The following SPOCK1 variants were observed in gnomAD, a reference collection of about 807,000 sequenced individuals.
The protein encoded by SPOCK1 is SPARC (osteonectin), cwcv and kazal like domains proteoglycan 1, also known as testican-1.
SPOCK1 carries 23 observed loss-of-function variants against 55.3 expected under a neutral mutation model. That is an observed-to-expected ratio of 0.42 (90% CI 0.30 to 0.59). The LOEUF (loss-of-function observed/expected upper bound fraction) is 0.59, where lower values mean the gene tolerates loss of function less well. Ranked by LOEUF, SPOCK1 falls within the 20% of genes least tolerant of loss-of-function variation. The pLI, the probability that SPOCK1 is intolerant of heterozygous loss-of-function variation, is 0.22. For synonymous variants in SPOCK1, 226 were observed against 221.0 expected (o/e 1.02, Z -0.20); for missense variants, 499 against 552.5 (o/e 0.90, Z 0.97).
At chr5:137,391,321 T>C (rs556205824) in intron 2 of SPOCK1, among the ~76,000 whole-genome samples, 1 of 152,252 alleles carries the variant, frequency 6.6e-6, no homozygotes, top group African/African-American at 2.4e-5. Flanking sequence ...TTGGGTTGGT[T>C]CCAAGTTTTG....
chr5:137,341,941 GT>G (rs1750439351), intron 2 of SPOCK1, among the ~76,000 whole-genome samples: 1 of 152,200 alleles, frequency 6.6e-6, no homozygotes, highest in South Asian at 2.1e-4. Flanking sequence ...CTGGCAAACT[GT>G]TTTCTCTACT....
intron 3 of SPOCK1, among the ~76,000 whole-genome samples, chr5:137,260,112 A>G (rs933845355): frequency 1.3e-5 from 2 of 152,190 alleles, no homozygotes; most frequent in Non-Finnish European, 2.9e-5. Context: ...TATTTCAGAG[A>G]TGGGTGAACT....
intron 3 of SPOCK1, among the ~76,000 whole-genome samples, chr5:137,225,182 C>A (rs1313440109): frequency 6.6e-6 from 1 of 151,916 alleles, no homozygotes; most frequent in African/African-American, 2.4e-5. Flanking sequence ...CAGAGAATGA[C>A]AAGAATTAGA....
At chr5:137,062,547 A>AATAATG (rs1554095453) in intron 6 of SPOCK1, among the ~76,000 whole-genome samples, 1 of 148,760 alleles carries the variant, frequency 6.7e-6, no homozygotes, top group Non-Finnish European at 1.5e-5. Flanking sequence ...TAATAATAAT[A>AATAATG]ATAATAATAA....
intron 3 of SPOCK1, among the ~76,000 whole-genome samples, chr5:137,154,194 G>A (rs1754370097): frequency 2.0e-5 from 3 of 152,140 alleles, no homozygotes; most frequent in Admixed American, 6.5e-5. Context: ...GACTGAGGCA[G>A]GAGAATCACT....
intron 5 of SPOCK1, among the ~76,000 whole-genome samples, chr5:137,069,247 A>G (rs1008131250): frequency 2.0e-5 from 3 of 152,222 alleles, no homozygotes; most frequent in Admixed American, 6.5e-5. Flanking sequence ...TGTCACTCCA[A>G]TGATCACCCA....
intron 3 of SPOCK1, among the ~76,000 whole-genome samples, chr5:137,241,565 GA>G (rs1756282151): frequency 6.6e-6 from 1 of 152,148 alleles, no homozygotes; most frequent in African/African-American, 2.4e-5. Flanking sequence ...GAGCCCAGTG[GA>G]AGATGCTTAT....
chr5:137,490,798 T>C (rs537653979), intron 2 of SPOCK1, among the ~76,000 whole-genome samples: 1 of 152,030 alleles, frequency 6.6e-6, no homozygotes, highest in Non-Finnish European at 1.5e-5. Context: ...GATGGCAAGG[T>C]CTTCTGTGCC....
At chr5:137,439,516 C>T (rs996490759) in intron 2 of SPOCK1, among the ~76,000 whole-genome samples, 10 of 152,200 alleles carry the variant, frequency 6.6e-5, no homozygotes, top group African/African-American at 2.2e-4. Flanking sequence ...CAATTGTGAT[C>T]AACAAGCAGT....
chr5:137,404,569 C>G (rs1049242790), intron 2 of SPOCK1, among the ~76,000 whole-genome samples: 1 of 133,232 alleles, frequency 7.5e-6, no homozygotes, highest in African/African-American at 2.8e-5. Flanking sequence ...CCACCACACC[C>G]AGCTAATTTT....
At chr5:137,293,297 A>G (rs1757410189) in intron 2 of SPOCK1, among the ~76,000 whole-genome samples, 2 of 152,170 alleles carry the variant, frequency 1.3e-5, no homozygotes, top group Non-Finnish European at 2.9e-5. Context: ...CCAACAAATT[A>G]GTTTAATCTC....
At chr5:137,341,803 G>A (rs1750431286) in intron 2 of SPOCK1, among the ~76,000 whole-genome samples, 1 of 152,198 alleles carries the variant, frequency 6.6e-6, no homozygotes, top group African/African-American at 2.4e-5. Flanking sequence ...GTGGGTAACA[G>A]CTAATCCCAG....
At chr5:137,026,782 G>A (rs1044863771) in intron 6 of SPOCK1, among the ~76,000 whole-genome samples, 9 of 152,186 alleles carry the variant, frequency 5.9e-5, no homozygotes, top group African/African-American at 1.9e-4. Context: ...CTGGGCCAAG[G>A]ACCTCCACAA....
At chr5:137,363,826 G>T (rs187561848) in intron 2 of SPOCK1, among the ~76,000 whole-genome samples, 1 of 152,244 alleles carries the variant, frequency 6.6e-6, no homozygotes, top group African/African-American at 2.4e-5. Context: ...GAAGCAAGGT[G>T]CAGGTGTCCT....
rs554298992 is a variant in SPOCK1 at position 137,218,200 on chromosome 5, G to A, written c.232+48810C>T. On this transcript the variant is annotated intron_variant, in intron 3 of 10. Transcript: ENST00000394945. ...ATCAGAGGGGTGTAATTTGTTTAAG[G>A]AAGCACAGCTTGTTAGTGACAGGGT... 3.3e-5 allele frequency among the ~76,000 whole-genome samples: 5 copies of A among 152,312 alleles called. No individual in the cohort carries two copies. In the South Asian group the frequency reaches 8.3e-4, roughly 25 times the overall value.
chr5:137,489,333 C>CATGT (rs556803080), intron 2 of SPOCK1, among the ~76,000 whole-genome samples: 25 of 152,284 alleles, frequency 1.6e-4, no homozygotes, highest in African/African-American at 5.5e-4. Context: ...GGAGCAACCC[C>CATGT]ATGTATACTA....
intron 2 of SPOCK1, among the ~76,000 whole-genome samples, chr5:137,409,638 A>G (rs1054809733): frequency 6.6e-6 from 1 of 152,242 alleles, no homozygotes; most frequent in Non-Finnish European, 1.5e-5. Context: ...TACTTGGCAC[A>G]TGATGAATAT....
chr5:137,235,740 G>C (rs998456196), intron 3 of SPOCK1, among the ~76,000 whole-genome samples: 1 of 152,228 alleles, frequency 6.6e-6, no homozygotes, highest in Non-Finnish European at 1.5e-5. Context: ...TTATACATAA[G>C]AGTAGTACAG....
chr5:137,034,825 T>G (rs987402989), intron 6 of SPOCK1, among the ~76,000 whole-genome samples: 5 of 152,200 alleles, frequency 3.3e-5, no homozygotes, highest in Non-Finnish European at 2.9e-5. Context: ...GGGGCCAGGC[T>G]GGTGTGGACA....
Sources: gnomAD v4.1 joint callset for allele counts (sites outside exome capture counted in the v4.1 genomes callset) on GRCh38, gnomAD v4.1.1 for gene constraint, MANE v1.5 for transcripts, NCBI Gene and HGNC (gene_info 2026-07-23, HGNC 2026-07-21) for gene names.